Variants in TOX2 observed in about 807,000 individuals in gnomAD.
TOX2 encodes the protein TOX high mobility group box family member 2.
TOX2 carries 15 observed loss-of-function variants against 47.4 expected under a neutral mutation model. That is an observed-to-expected ratio of 0.32 (90% CI 0.21 to 0.49). TOX2 has a LOEUF of 0.49. TOX2 is among the 20% of genes least tolerant of loss of function. The pLI, the probability that TOX2 is intolerant of heterozygous loss-of-function variation, is 0.99. For missense variants in TOX2, 622 were observed against 673.1 expected (o/e 0.92, Z 0.84); for synonymous variants, 290 against 296.6 (o/e 0.98, Z 0.23).
At chr20:43,992,352 T>G (rs551586406) in intron 2 of TOX2, among the ~76,000 whole-genome samples, 1 of 152,240 alleles carries the variant, frequency 6.6e-6, no homozygotes, top group Admixed American at 6.5e-5. Flanking sequence ...GGAGCGATCG[T>G]GTAGGAGCCA....
chr20:44,023,334 G>T (rs985904636), intron 3 of TOX2, among the ~76,000 whole-genome samples: 2 of 147,906 alleles, frequency 1.4e-5, no homozygotes, highest in Non-Finnish European at 3.0e-5. Context: ...GGAGGCTGAG[G>T]CAGGAGAATT....
intron 2 of TOX2, among the ~76,000 whole-genome samples, chr20:43,975,846 G>T (rs1448756983): frequency 6.6e-6 from 1 of 151,966 alleles, no homozygotes; most frequent in Non-Finnish European, 1.5e-5. Context: ...TCCCAGTGGG[G>T]CATAGTGTCT....
At chr20:43,946,616 A>G (rs553110949) in intron 1 of TOX2, among the ~76,000 whole-genome samples, 1 of 152,376 alleles carries the variant, frequency 6.6e-6, no homozygotes, top group South Asian at 2.1e-4. Context: ...AAGTAAGGAC[A>G]TTAAAAAATA....
At chr20:44,063,378 A>T (rs1034613641) in intron 5 of TOX2, among the ~76,000 whole-genome samples, 4 of 152,252 alleles carry the variant, frequency 2.6e-5, no homozygotes, top group Non-Finnish European at 5.9e-5. Context: ...ATATTAAAAA[A>T]TACTTAACAT....
intron 1 of TOX2, among the ~76,000 whole-genome samples, chr20:43,960,211 A>G (rs1231032082): frequency 1.3e-5 from 2 of 152,222 alleles, no homozygotes; most frequent in African/African-American, 4.8e-5. Context: ...GATCATAGCC[A>G]TTAGTGGATG....
chr20:44,006,292 C>T (rs565744800), intron 2 of TOX2, among the ~76,000 whole-genome samples: 22 of 152,248 alleles, frequency 1.4e-4, no homozygotes, highest in Middle Eastern at 3.4e-3. Context: ...CAGGGGGAGC[C>T]GGCCCCCATT....
At chr20:43,932,060 G>C (rs1335723596) in intron 1 of TOX2, among the ~76,000 whole-genome samples, 1 of 152,144 alleles carries the variant, frequency 6.6e-6, no homozygotes, top group African/African-American at 2.4e-5. Context: ...ATGCAGTTTG[G>C]GGATGAGTTG....
chr20:43,943,843 C>T (rs1324120709), intron 1 of TOX2, among the ~76,000 whole-genome samples: 1 of 122,970 alleles, frequency 8.1e-6, no homozygotes, highest in Non-Finnish European at 1.7e-5. Flanking sequence ...GCATAGTATT[C>T]CATTCTATGG....
Position 43,915,044 on chromosome 20 carries a change from G to T in TOX2, c.99+54G>T. On this transcript the variant is annotated intron_variant, in intron 1 of 8. Transcript: ENST00000341197. The surrounding 1 kb of genome is among the most constrained non-coding windows in gnomAD (Gnocchi z 7.1). ...CGGGCGGGGCCGGAGTCACCTGGCA[G>T]CTCGGGACTCAGGCGCTCCCGGGGT... The T allele has an allele frequency of 9.1e-7, 1 of 1,095,560 alleles. No individual in the cohort carries two copies. 67.9% of individuals were successfully genotyped at this position (1,095,560 alleles called of 1,614,324 possible). A position where few individuals can be genotyped will look rare whatever the true frequency, so the allele number is the denominator to read the frequency against.
intron 5 of TOX2, among the ~76,000 whole-genome samples, chr20:44,058,854 C>A (rs2071668394): frequency 6.6e-6 from 1 of 152,212 alleles, no homozygotes; most frequent in South Asian, 2.1e-4. Flanking sequence ...GGGGAGAACC[C>A]CAAGGGACAG....
intron 3 of TOX2, among the ~76,000 whole-genome samples, chr20:44,035,999 G>A (rs1296545215): frequency 6.6e-6 from 1 of 152,202 alleles, no homozygotes; most frequent in Non-Finnish European, 1.5e-5. Context: ...ACGGGGCTGG[G>A]CCTTTGAACC....
At chr20:44,037,720 C>G (rs2071263367) in intron 3 of TOX2, among the ~76,000 whole-genome samples, 1 of 151,750 alleles carries the variant, frequency 6.6e-6, no homozygotes, top group Admixed American at 6.6e-5. Flanking sequence ...TTCTATAAAA[C>G]AAAGACGTTG....
chr20:43,971,615 C>T (rs1243358752), intron 1 of TOX2, among the ~76,000 whole-genome samples: 2 of 152,192 alleles, frequency 1.3e-5, no homozygotes, highest in East Asian at 3.8e-4. Context: ...TACAGATAAA[C>T]TCACACCTAT....
intron 1 of TOX2, among the ~76,000 whole-genome samples, chr20:43,917,889 G>T (rs1271646542): frequency 6.6e-6 from 1 of 152,164 alleles, no homozygotes; most frequent in East Asian, 1.9e-4. Context: ...TGAGCATAGG[G>T]ATTTGTGGCC....
At chr20:44,062,128 G>C (rs538358761) in intron 5 of TOX2, among the ~76,000 whole-genome samples, 1 of 151,996 alleles carries the variant, frequency 6.6e-6, no homozygotes, top group Admixed American at 6.5e-5. Flanking sequence ...AATCAGACAA[G>C]AGAAAGAAAT....
chr20:44,005,764 T>C (rs1186557053), intron 2 of TOX2, among the ~76,000 whole-genome samples: 1 of 152,190 alleles, frequency 6.6e-6, no homozygotes, highest in Non-Finnish European at 1.5e-5. Flanking sequence ...CCACACACTT[T>C]GACCCACCAG....
intron 3 of TOX2, among the ~76,000 whole-genome samples, chr20:44,041,462 C>T (rs2071330577): frequency 6.6e-6 from 1 of 152,172 alleles, no homozygotes; most frequent in African/African-American, 2.4e-5. Flanking sequence ...TTTAAATGCC[C>T]TAGAAAACCT....
At chr20:43,939,202 TTCTG>T (rs1413999332) in intron 1 of TOX2, among the ~76,000 whole-genome samples, 1 of 152,170 alleles carries the variant, frequency 6.6e-6, no homozygotes, top group African/African-American at 2.4e-5. Flanking sequence ...TTAGTTCCAA[TTCTG>T]TCTGTGACAA....
Position 44,068,609 on chromosome 20 carries a change from A to G in TOX2, c.1485-41A>G, listed in dbSNP as rs8183623. On this transcript the variant is annotated intron_variant, in intron 8 of 8. Coordinates refer to ENST00000341197, the MANE Select transcript of TOX2 (RefSeq NM_001098797.2). The stretch of plus-strand genomic sequence containing the variant: ...GTCCTGGTGCTCCCCTGGCCCGGAG[A>G]GGTACCCAACAGCTTTGACAGCCCC... 2.1e-5 allele frequency: 33 copies of G among 1,593,232 alleles called. No individual in the cohort carries two copies. The Admixed American group carries it at 3.4e-4, about 16-fold the overall frequency.
Sources: gnomAD v4.1 joint callset for allele counts (sites outside exome capture counted in the v4.1 genomes callset) on GRCh38, gnomAD v4.1.1 for gene constraint, Gnocchi (gnomAD v3.1) non-coding constraint, MANE v1.5 for transcripts, NCBI Gene and HGNC (gene_info 2026-07-23, HGNC 2026-07-21) for gene names.